Variants in SAMD5 observed in about 807,000 individuals in gnomAD.
The protein encoded by SAMD5 is sterile alpha motif domain containing 5, also known as sterile alpha motif domain-containing protein 5.
A neutral mutation model predicts 11.3 loss-of-function variants in SAMD5; 13 were observed. The observed-to-expected ratio is 1.15, with a 90% CI of 0.75 to 1.83. SAMD5 has a LOEUF of 1.83. Ranked by LOEUF, SAMD5 falls within the 40% of genes most tolerant of loss-of-function variation. SAMD5 has a pLI of 0.00. For missense variants in SAMD5, 255 were observed against 239.1 expected (o/e 1.07, Z -0.44); for synonymous variants, 129 against 111.3 (o/e 1.16, Z -1.00).
At chr6:147,746,220 CTG>C in the SAMD5 span, among the ~76,000 whole-genome samples, 1 of 152,302 alleles carries the variant, frequency 6.6e-6, no homozygotes, top group East Asian at 1.9e-4. Flanking sequence ...ATGTTTAGAA[CTG>C]TGTCTTTCAT....
At chr6:147,738,467 T>C (rs923075898), downstream of SAMD5, among the ~76,000 whole-genome samples, 78 of 152,300 alleles carry the variant, frequency 5.1e-4, no homozygotes, top group Admixed American at 8.5e-4. Flanking sequence ...AATTAAGAGT[T>C]TCAAAGTATG....
chr6:147,798,552 G>C, the SAMD5 span, among the ~76,000 whole-genome samples: 3 of 151,752 alleles, frequency 2.0e-5, no homozygotes, highest in Non-Finnish European at 4.4e-5. Flanking sequence ...CTGTTGATTT[G>C]GGGTGGAGAG....
intron 1 of SAMD5, among the ~76,000 whole-genome samples, chr6:147,735,858 G>A (rs1791791829): frequency 6.6e-6 from 1 of 152,116 alleles, no homozygotes. Context: ...ACAATTAATT[G>A]GAAAGTGTGT....
chr6:147,588,562 G>T (rs1789408585), intron 1 of SAMD5, among the ~76,000 whole-genome samples: 2 of 152,116 alleles, frequency 1.3e-5, no homozygotes, highest in African/African-American at 4.8e-5. Flanking sequence ...TTGGCCTCGG[G>T]TGATCTGCCT....
chr6:147,515,173 CA>C (rs1788145525), intron 1 of SAMD5, among the ~76,000 whole-genome samples: 1 of 132,462 alleles, frequency 7.5e-6, no homozygotes, highest in Non-Finnish European at 1.6e-5. Flanking sequence ...TATATCCTTC[CA>C]GGTTTTTTTT....
intron 1 of SAMD5, among the ~76,000 whole-genome samples, chr6:147,700,678 A>G (rs935898516): frequency 6.6e-6 from 1 of 152,280 alleles, no homozygotes; most frequent in African/African-American, 2.4e-5. Flanking sequence ...CAGCAAGTCT[A>G]CATTAGAAGT....
rs141405175 is a variant in SAMD5, at chr6:147,537,567, C to T, written c.460-26827C>T. 3.0e-3 allele frequency among the ~76,000 whole-genome samples: 447 copies of T among 150,766 alleles called. 13 individuals are homozygous for T. In the East Asian group the frequency reaches 0.078, roughly 26 times the overall value. On this transcript the variant is annotated intron_variant, in intron 1 of 1. Coordinates refer to ENST00000367474, the MANE Select transcript of SAMD5 (RefSeq NM_001030060.3). Reference sequence around the variant, plus strand: ...GGAGATCGAGACTATCCTGGCTAACCCGGTGAAACCCCGTCTCTACTAAAA... The same window carrying T: ...GGAGATCGAGACTATCCTGGCTAACTCGGTGAAACCCCGTCTCTACTAAAA...
intron 1 of SAMD5, among the ~76,000 whole-genome samples, chr6:147,701,652 CAAA>C (rs35003792): frequency 1.5e-5 from 2 of 136,886 alleles, no homozygotes; most frequent in African/African-American, 5.5e-5. Context: ...TAGTCTGTCT[CAAA>C]AAAAAAAAAA....
the SAMD5 span, among the ~76,000 whole-genome samples, chr6:147,923,334 AT>A: frequency 6.6e-6 from 1 of 152,168 alleles, no homozygotes; most frequent in Non-Finnish European, 1.5e-5. Flanking sequence ...GAGCTTAGTT[AT>A]TTCTATGTAT....
intron 1 of SAMD5, among the ~76,000 whole-genome samples, chr6:147,689,929 AT>A (rs2128456963): frequency 6.6e-6 from 1 of 152,336 alleles, no homozygotes; most frequent in South Asian, 2.1e-4. Context: ...CTATAGTGTT[AT>A]TTTGGAAAAA....
the SAMD5 span, among the ~76,000 whole-genome samples, chr6:147,879,841 G>A: frequency 6.6e-6 from 1 of 152,152 alleles, no homozygotes; most frequent in African/African-American, 2.4e-5. Flanking sequence ...AAATTAGCTT[G>A]TTCTAACCCG....
chr6:147,667,547 G>A (rs1583131732), intron 1 of SAMD5, among the ~76,000 whole-genome samples: 3 of 152,286 alleles, frequency 2.0e-5, no homozygotes, highest in Middle Eastern at 3.4e-3. Context: ...CTGTGTGCAA[G>A]GAAGGCTGTT....
chr6:147,616,338 C>T (rs1389895729), intron 1 of SAMD5, among the ~76,000 whole-genome samples: 1 of 146,706 alleles, frequency 6.8e-6, no homozygotes, highest in Non-Finnish European at 1.5e-5. Context: ...ATATATATTT[C>T]ATATAATGAA....
At chr6:147,667,018 C>T (rs1399541256) in intron 1 of SAMD5, among the ~76,000 whole-genome samples, 1 of 152,132 alleles carries the variant, frequency 6.6e-6, no homozygotes, top group Non-Finnish European at 1.5e-5. Flanking sequence ...TGATATGTCA[C>T]CTCCCTCATG....
the SAMD5 span, among the ~76,000 whole-genome samples, chr6:147,928,713 TG>T: frequency 1.3e-5 from 2 of 152,106 alleles, no homozygotes; most frequent in Non-Finnish European, 2.9e-5. Flanking sequence ...GCATTGGGCT[TG>T]GTTTCCTCTT....
intron 1 of SAMD5, among the ~76,000 whole-genome samples, chr6:147,693,112 G>A (rs920782528): frequency 2.0e-5 from 3 of 152,228 alleles, no homozygotes; most frequent in African/African-American, 7.2e-5. Flanking sequence ...CAAGGCCTGG[G>A]CCAGGAGTCT....
chr6:147,655,753 AGCTGTTTTCATTG>A (rs1214206890), intron 1 of SAMD5, among the ~76,000 whole-genome samples: 1 of 152,200 alleles, frequency 6.6e-6, no homozygotes, highest in Non-Finnish European at 1.5e-5. Context: ...CTAGTTACAA[AGCTGTTTTCATTG>A]TGAAAAAGTG....
At chr6:147,708,531 C>T (rs1322145823) in intron 1 of SAMD5, among the ~76,000 whole-genome samples, 1 of 152,164 alleles carries the variant, frequency 6.6e-6, no homozygotes, top group African/African-American at 2.4e-5. Flanking sequence ...TGCATAAAGA[C>T]ACTCAGCAAA....
intron 1 of SAMD5, among the ~76,000 whole-genome samples, chr6:147,640,697 G>A (rs1790300163): frequency 6.6e-6 from 1 of 151,906 alleles, no homozygotes; most frequent in South Asian, 2.1e-4. Flanking sequence ...AGGTTCAATG[G>A]GAAGCATCAT....
Sources: allele counts gnomAD v4.1 joint callset (sites outside exome capture counted in the v4.1 genomes callset), GRCh38; gene constraint gnomAD v4.1.1; transcripts MANE v1.5; gene names NCBI Gene and HGNC (gene_info 2026-07-23, HGNC 2026-07-21).